The following MYOF variants were observed in gnomAD, a reference collection of about 807,000 sequenced individuals.
The protein encoded by MYOF is myoferlin, also known as fer-1-like 3, myoferlin.
A neutral mutation model predicts 284.2 loss-of-function variants in MYOF; 244 were observed. The observed-to-expected ratio is 0.86, with a 90% CI of 0.77 to 0.95. The LOEUF is 0.95. MYOF is among the 40% of genes least tolerant of loss of function. The pLI, the probability that MYOF is intolerant of heterozygous loss-of-function variation, is 0.00. For synonymous variants in MYOF, 904 were observed against 919.7 expected (o/e 0.98, Z 0.31); for missense variants, 2,496 against 2,560.6 (o/e 0.97, Z 0.54).
intron 5 of MYOF, among the ~76,000 whole-genome samples, chr10:93,413,923 G>T (rs140402888): frequency 1.5e-3 from 232 of 152,242 alleles, no homozygotes; most frequent in African/African-American, 5.1e-3. Flanking sequence ...AGCCCAGGAG[G>T]TCGAGGCTGC....
At chr10:93,321,443 C>T (rs1295239332) in intron 48 of MYOF, among the ~76,000 whole-genome samples, 1 of 140,318 alleles carries the variant, frequency 7.1e-6, no homozygotes, top group Non-Finnish European at 1.5e-5. Flanking sequence ...TTTACAAGAG[C>T]CAGGTTCTCA....
At chr10:93,366,916 C>T (rs1020068476) in intron 25 of MYOF, among the ~76,000 whole-genome samples, 4 of 137,124 alleles carry the variant, frequency 2.9e-5, no homozygotes, top group African/African-American at 7.3e-5. Context: ...GTTCGCGAAC[C>T]TTATCTTTTA....
intron 2 of MYOF, among the ~76,000 whole-genome samples, chr10:93,454,893 C>T (rs138833904): frequency 6.3e-4 from 95 of 149,680 alleles, no homozygotes; most frequent in African/African-American, 2.1e-3. Flanking sequence ...GCAGGGCTAT[C>T]GCTTGGCCCT....
intron 5 of MYOF, among the ~76,000 whole-genome samples, chr10:93,419,354 G>A (rs1233423643): frequency 1.3e-5 from 2 of 151,802 alleles, no homozygotes; most frequent in African/African-American, 4.8e-5. Context: ...GTAGAGACAG[G>A]GTTTCACCAT....
Position 93,358,072 on chromosome 10 carries a change from T to A in MYOF, c.3121-1224A>T, listed in dbSNP as rs1349026215. Among the ~76,000 whole-genome samples the A allele has an allele frequency of 3.3e-5, 5 of 152,044 alleles. No individual in the cohort carries two copies. In the East Asian group the frequency reaches 9.7e-4, roughly 29 times the overall value. ...CTATCCATCTGACAAAGGTCTAATA[T>A]CCAGAATCTACAAGCAATTTAAGCA... On this transcript the variant is annotated intron_variant, in intron 29 of 53. Coordinates refer to ENST00000359263, the MANE Select transcript of MYOF (RefSeq NM_013451.4).
chr10:93,412,889 A>C (rs1483609036), intron 5 of MYOF, among the ~76,000 whole-genome samples: 1 of 152,136 alleles, frequency 6.6e-6, no homozygotes, highest in Non-Finnish European at 1.5e-5. Flanking sequence ...TCGGGGAAGC[A>C]CTGGGGGCCA....
chr10:93,369,968 C>T (rs1012391672), intron 24 of MYOF, among the ~76,000 whole-genome samples, 192 bp from the exon 25 acceptor site: 3 of 152,230 alleles, frequency 2.0e-5, no homozygotes, highest in African/African-American at 7.2e-5. Context: ...GCAGATCTCA[C>T]AGTGTGATCC....
At chr10:93,439,379 T>G (rs1010199826) in intron 3 of MYOF, among the ~76,000 whole-genome samples, 14 of 152,094 alleles carry the variant, frequency 9.2e-5, no homozygotes, top group Non-Finnish European at 4.4e-5. Flanking sequence ...ACCTGACCAA[T>G]TCTGTGCCTG....
intron 18 of MYOF, among the ~76,000 whole-genome samples, chr10:93,388,188 C>T (rs1053087336): frequency 1.6e-5 from 2 of 128,900 alleles, no homozygotes; most frequent in East Asian, 2.4e-4. Flanking sequence ...AAACCATGCT[C>T]TAGCTCCAGA....
intron 1 of MYOF, among the ~76,000 whole-genome samples, chr10:93,463,210 G>A (rs536865353): frequency 3.3e-5 from 5 of 152,086 alleles, no homozygotes; most frequent in South Asian, 4.2e-4. Flanking sequence ...GCCCTCTTGC[G>A]CGGAACCATT....
chr10:93,356,792 C>A lies in MYOF; in HGVS notation c.3177G>T (p.Trp1059Cys), dbSNP rs779837165. ...AACTACGTTGTTTCCAGTGAAATTT[C>A]CAGCCAATTAGAGAAGCATATTCCC... ...EGWEYASLIGWKFHWKQRSSD... is the reference protein window; with the variant it reads ...EGWEYASLIGCKFHWKQRSSD... Residue 1059 changes from tryptophan (W) to cysteine (C), a missense_variant, in exon 30 of 54, where the codon TGG (tryptophan) becomes TGT (cysteine). Physicochemically the swap from Trp to Cys is radical, Grantham distance 215. Around this residue, in one of 3 missense-constraint regions of MYOF, gnomAD observed 2,436 missense variants for 2,480.7 expected, o/e 0.98. Coordinates refer to ENST00000359263, the MANE Select transcript of MYOF (RefSeq NM_013451.4). 1.2e-6 allele frequency: 2 copies of A among 1,614,058 alleles called. No homozygotes were observed. Among genetic ancestry groups the A allele is most frequent in the African/African-American group, 2.7e-5 (2 of 74,930 alleles).
intron 7 of MYOF, among the ~76,000 whole-genome samples, chr10:93,408,191 C>T (rs1847708709): frequency 6.6e-6 from 1 of 151,886 alleles, no homozygotes; most frequent in Non-Finnish European, 1.5e-5. Flanking sequence ...ATCTTCACAT[C>T]ATTTAGCTTT....
chr10:93,339,743 A>C (rs1429571290), intron 39 of MYOF, among the ~76,000 whole-genome samples: 1 of 151,918 alleles, frequency 6.6e-6, no homozygotes, highest in Non-Finnish European at 1.5e-5. Flanking sequence ...TGCTGGGATT[A>C]TAGGCGTGAG....
At chr10:93,353,985 G>T in intron 31 of MYOF, 97 bp from the exon 32 acceptor site, 1 of 949,824 alleles carries the variant, frequency 1.1e-6, no homozygotes, top group Non-Finnish European at 1.6e-6. Context: ...TCTGATAAAT[G>T]GGTCACTTGA....
intron 15 of MYOF, among the ~76,000 whole-genome samples, chr10:93,396,455 G>A (rs2134065692): frequency 6.6e-6 from 1 of 152,206 alleles, no homozygotes; most frequent in African/African-American, 2.4e-5. Flanking sequence ...CTAGAGTGGG[G>A]ACTAAGAATT....
intron 3 of MYOF, among the ~76,000 whole-genome samples, 166 bp from the exon 4 acceptor site, chr10:93,431,682 A>C (rs1279748878): frequency 6.6e-6 from 1 of 151,918 alleles, no homozygotes; most frequent in East Asian, 1.9e-4. Flanking sequence ...GGCAGTAAAC[A>C]TATCTGCCAT....
intron 1 of MYOF, among the ~76,000 whole-genome samples, chr10:93,475,948 G>A (rs1455479892): frequency 1.3e-5 from 2 of 152,202 alleles, no homozygotes; most frequent in South Asian, 4.1e-4. Flanking sequence ...TGCTTCCATA[G>A]GGTGGGGCCA....
rs116216479 is a variant in MYOF at position 93,335,557 on chromosome 10, G to A, written c.4563+364C>T. On this transcript the variant is annotated intron_variant, in intron 41 of 53. Coordinates refer to ENST00000359263, the MANE Select transcript of MYOF (RefSeq NM_013451.4). ...ATGAAGAGAGGAACTAGATCTTGGA[G>A]AGACTGTATCTTAGGATTCAAGGCT... is the stretch of plus-strand genomic sequence containing the variant. 5.3e-3 allele frequency among the ~76,000 whole-genome samples: 802 copies of A among 152,270 alleles called. 7 individuals carry two copies. The highest frequency in any genetic ancestry group is 0.019 in the African/African-American group (774 of 41,542).
rs57700900 is a variant in MYOF, at chr10:93,442,041, C to CACACACACACACAGAG, written c.236+10008_236+10009insCTCTGTGTGTGTGTGT. On this transcript the variant is annotated intron_variant, in intron 3 of 53. Coordinates refer to ENST00000359263, the MANE Select transcript of MYOF (RefSeq NM_013451.4). ...ACACACACACACACACACACACACA[C>CACACACACACACAGAG]AGAATAAACCTTGGAAAGTCTGGGC... Among the ~76,000 whole-genome samples the CACACACACACACAGAG allele has an allele frequency of 1.5e-3, 221 of 142,716 alleles. 2 individuals are homozygous for CACACACACACACAGAG. Among genetic ancestry groups the CACACACACACACAGAG allele is most frequent in the Middle Eastern group, 7.4e-3 (2 of 270 alleles). The allele number at this position is 142,716 out of a possible 152,430, so 93.6% of individuals were successfully genotyped here.
Sources: gnomAD v4.1 joint callset for allele counts (sites outside exome capture counted in the v4.1 genomes callset) on GRCh38, gnomAD v4.1.1 for gene constraint, gnomAD v4.1.1 regional missense constraint, MANE v1.5 for transcripts, NCBI Gene and HGNC (gene_info 2026-07-23, HGNC 2026-07-21) for gene names.